Variants in AEN observed in about 807,000 individuals in gnomAD.
AEN encodes the protein apoptosis-enhancing nuclease.
In AEN, 21 loss-of-function variants were observed where a neutral mutation model predicts 17.7. The ratio of observed to expected loss-of-function variants is 1.19; its 90% CI spans 0.84 to 1.71. The LOEUF is 1.71. Ranked by LOEUF, AEN falls within the 40% of genes most tolerant of loss-of-function variation. The pLI, the probability that AEN is intolerant of heterozygous loss-of-function variation, is 0.00. For synonymous variants in AEN, 190 were observed against 173.0 expected, an observed-to-expected ratio of 1.10 and a Z score of -0.77; for missense variants, 462 against 435.9, an observed-to-expected ratio of 1.06 and a Z score of -0.53.
Position 88,631,457 on chromosome 15 carries a change from C to T in AEN, c.*1163C>T. On this transcript the variant is annotated 3_prime_UTR_variant, in exon 4 of 4. Coordinates refer to ENST00000332810, the MANE Select transcript of AEN (RefSeq NM_022767.4). ...CTCAGGTCACACAGACCTTGGAGCC[C>T]CATCTTTGCTTGCAGCTTAGCTTTG... 1 of 223,664 alleles carries T rather than the reference C, an allele frequency of 4.5e-6. No homozygotes were observed. 13.9% of individuals were successfully genotyped at this position (223,664 alleles called of 1,614,324 possible). A position where few individuals can be genotyped will look rare whatever the true frequency, so the allele number is the denominator to read the frequency against.
chr15:88,615,207 G>T, the AEN span, among the ~76,000 whole-genome samples: 1 of 152,094 alleles, frequency 6.6e-6, no homozygotes, highest in Admixed American at 6.5e-5. Context: ...TCAAGGCTGG[G>T]GACCACTGAA....
intron 1 of AEN, among the ~76,000 whole-genome samples, chr15:88,625,482 G>A (rs369640018): frequency 6.6e-6 from 1 of 152,138 alleles, no homozygotes; most frequent in Non-Finnish European, 1.5e-5. Flanking sequence ...TTCAGCCTGG[G>A]TGACAGAGCA....
intron 1 of AEN, 115 bp from the exon 2 acceptor site, chr15:88,626,031 C>CGT (rs1567103321): frequency 4.8e-5 from 29 of 603,014 alleles, no homozygotes; most frequent in Non-Finnish European, 6.4e-5. Flanking sequence ...CCACGAGCTA[C>CGT]GGTGCAGGGC....
chr15:88,625,318 A>T (rs2057837650), intron 1 of AEN, among the ~76,000 whole-genome samples: 1 of 152,100 alleles, frequency 6.6e-6, no homozygotes, highest in South Asian at 2.1e-4. Flanking sequence ...CCAGTTTAAG[A>T]CCAGCAGGGC....
chr15:88,613,890 A>G, the AEN span, among the ~76,000 whole-genome samples: 1 of 152,150 alleles, frequency 6.6e-6, no homozygotes, highest in Admixed American at 6.5e-5. Flanking sequence ...CTTTTCTTTC[A>G]TAGTTTTCAT....
intron 1 of AEN, among the ~76,000 whole-genome samples, chr15:88,624,020 A>T (rs909766441): frequency 6.6e-6 from 1 of 152,234 alleles, no homozygotes; most frequent in Non-Finnish European, 1.5e-5. Context: ...TTACTGTTGT[A>T]CATGCACACA....
upstream of AEN, among the ~76,000 whole-genome samples, chr15:88,620,083 C>T (rs1279677779): frequency 2.0e-5 from 3 of 152,176 alleles, no homozygotes; most frequent in South Asian, 2.1e-4. Flanking sequence ...GTGACCTCAT[C>T]CCTTGTCCTG....
At position 88,626,399 on chromosome 15, in the gene AEN, C is replaced by T. The variant is rs751365982; in HGVS notation, c.190C>T (p.Leu64=). The T allele has an allele frequency of 1.2e-5, 20 of 1,612,518 alleles. No homozygotes were observed. The South Asian group carries it at 1.5e-4, about 12-fold the overall frequency. The stretch of plus-strand genomic sequence containing the variant: ...GCCTCCAGAACCAGGGTCCTCCCCA[C>T]TGCCCACCCCTTTCGGGGCAGCGAC... ...SMPPEPGSSP[L]PTPFGAATAT... is the part of the protein sequence containing the mutation. Residue 64 remains leucine (L), a synonymous_variant, in exon 2 of 4, where the codon CTG becomes TTG. Transcript: ENST00000332810.
upstream of AEN, among the ~76,000 whole-genome samples, chr15:88,619,846 A>T (rs1055845617): frequency 1.3e-5 from 2 of 152,052 alleles, no homozygotes; most frequent in Non-Finnish European, 2.9e-5. Flanking sequence ...TTCAAATGCT[A>T]CTTAGGTGGG....
chr15:88,609,425 C>T, the AEN span, among the ~76,000 whole-genome samples: 1 of 152,190 alleles, frequency 6.6e-6, no homozygotes, highest in African/African-American at 2.4e-5. Context: ...CCCTAGCCCT[C>T]TTCACAAAAG....
At chr15:88,610,817 C>T in the AEN span, among the ~76,000 whole-genome samples, 1 of 152,200 alleles carries the variant, frequency 6.6e-6, no homozygotes, top group Non-Finnish European at 1.5e-5. Flanking sequence ...TAGGGCCATG[C>T]TCTCTGAGCC....
In AEN at chr15:88,630,220, G is replaced by T. The variant is rs374980015; in HGVS notation, c.904G>T (p.Asp302Tyr). Residue 302 changes from aspartate to tyrosine, a missense_variant, in exon 4 of 4, where the codon GAC (aspartate) becomes TAC (tyrosine). Transcript: ENST00000332810. The surrounding 1 kb of genome is among the most constrained non-coding windows in gnomAD (Gnocchi z 5.1). ...SSTDMEQYME[D>Y]QYWPDDLAHG... ...CACAGACATGGAACAGTACATGGAGGACCAGTACTGGCCCGATGACCTGGC... is the reference window on the plus strand; with the variant it reads ...CACAGACATGGAACAGTACATGGAGTACCAGTACTGGCCCGATGACCTGGC... 9.5e-5 allele frequency: 153 copies of T among 1,608,020 alleles called. 1 individual carries two copies. Among genetic ancestry groups the T allele is most frequent in the Non-Finnish European group, 1.4e-5 (17 of 1,177,514 alleles).
At chr15:88,629,667 G>A (rs1052408919) in intron 3 of AEN, among the ~76,000 whole-genome samples, 7 of 152,106 alleles carry the variant, frequency 4.6e-5, no homozygotes, top group Admixed American at 3.9e-4. Flanking sequence ...CTCCTAGGCC[G>A]ATCTCTTCCA....
chr15:88,609,503 C>T, the AEN span, among the ~76,000 whole-genome samples: 1 of 152,052 alleles, frequency 6.6e-6, no homozygotes, highest in Non-Finnish European at 1.5e-5. Flanking sequence ...TCCCCATCAT[C>T]CATTACTGTC....
the AEN span, chr15:88,605,226 G>A: frequency 2.0e-5 from 3 of 152,300 alleles, no homozygotes; most frequent in South Asian, 2.1e-4. This position sits in a 1 kb window ranked among gnomAD's most constrained non-coding sequence, Gnocchi z 7.6. Flanking sequence ...CCTGCCCGGG[G>A]CGACGCGGAA....
intron 2 of AEN, chr15:88,626,970 TAGAAAGGCTACACCAA>T: frequency 3.5e-6 from 2 of 578,484 alleles, no homozygotes; most frequent in South Asian, 2.1e-5. Flanking sequence ...CAGGACAATG[TAGAAAGGCTACACCAA>T]CTGTAAGGTG....
At position 88,631,200 on chromosome 15, in the gene AEN, T is replaced by C. The variant is rs1318050512; in HGVS notation, c.*906T>C. 1 of 456,448 alleles carries C rather than the reference T, an allele frequency of 2.2e-6. No individual in the cohort carries two copies. Among genetic ancestry groups the C allele is most frequent in the Non-Finnish European group, 4.4e-6 (1 of 226,850 alleles). The allele number at this position is 456,448 out of a possible 1,614,324, so 28.3% of individuals were successfully genotyped here. ...AGGATTGTGCCTGACCTTTATTTAT[T>C]TATTAACAGCAGGGCCACTCGTCTA... On this transcript the variant is annotated 3_prime_UTR_variant, in exon 4 of 4. Transcript: ENST00000332810.
At chr15:88,625,521 T>A (rs940305301) in intron 1 of AEN, among the ~76,000 whole-genome samples, 1 of 152,128 alleles carries the variant, frequency 6.6e-6, no homozygotes, top group Non-Finnish European at 1.5e-5. Flanking sequence ...AATAAATTAA[T>A]TAAATAAATA....
Position 88,630,435 on chromosome 15 carries a change from C to A in AEN, c.*141C>A. The A allele has an allele frequency of 1.4e-6, 1 of 709,684 alleles. No individual in the cohort carries two copies. Among genetic ancestry groups the A allele is most frequent in the African/African-American group, 1.8e-5 (1 of 56,394 alleles). The allele number at this position is 709,684 out of a possible 1,614,324, so 44.0% of individuals were successfully genotyped here. A position where few individuals can be genotyped will look rare whatever the true frequency, so the allele number is the denominator to read the frequency against. On this transcript the variant is annotated 3_prime_UTR_variant, in exon 4 of 4. Coordinates refer to ENST00000332810, the MANE Select transcript of AEN (RefSeq NM_022767.4). This position sits in a 1 kb window ranked among gnomAD's most constrained non-coding sequence, Gnocchi z 5.1. ...CCAGGGCCAGAGGAGTAGGGGTCATCTGTTACCTTGACACCCTCTGCACAC... is the reference window on the plus strand; with the variant it reads ...CCAGGGCCAGAGGAGTAGGGGTCATATGTTACCTTGACACCCTCTGCACAC...
Sources: allele counts gnomAD v4.1 joint callset (sites outside exome capture counted in the v4.1 genomes callset), GRCh38; gene constraint gnomAD v4.1.1; non-coding constraint Gnocchi (gnomAD v3.1); transcripts MANE v1.5; gene names NCBI Gene and HGNC (gene_info 2026-07-23, HGNC 2026-07-21).